Variants in FMN1 observed in about 807,000 individuals in gnomAD.
FMN1 encodes the protein formin 1.
In FMN1, 110 loss-of-function variants were observed where a neutral mutation model predicts 132.4. The ratio of observed to expected loss-of-function variants is 0.83; its 90% CI spans 0.71 to 0.97. The LOEUF (loss-of-function observed/expected upper bound fraction) is 0.97, where lower values mean the gene tolerates loss of function less well. Among genes scored for constraint, FMN1 ranks in the 50% least tolerant of loss-of-function variants. The pLI is 0.00. For missense variants in FMN1, 1,792 were observed against 1,705.3 expected, an observed-to-expected ratio of 1.05 and a Z score of -0.90; for synonymous variants, 722 against 651.7, an observed-to-expected ratio of 1.11 and a Z score of -1.64.
In FMN1 at chr15:33,167,864, G is replaced by C. The variant is rs1251829361; in HGVS notation, c.-132+12334C>G. ...TTTATCCTTATTGTCTTCACATTCA[G>C]TAGGCTGAGGAGGAGAAGGAAGAGG... On this transcript the variant is annotated intron_variant, in intron 3 of 20. Coordinates refer to ENST00000616417, the MANE Select transcript of FMN1 (RefSeq NM_001277313.2). Among the ~76,000 whole-genome samples, 4 of 152,212 alleles carry C rather than the reference G, an allele frequency of 2.6e-5. No individual in the cohort carries two copies. In the East Asian group the frequency reaches 7.7e-4, roughly 29 times the overall value.
intron 4 of FMN1, among the ~76,000 whole-genome samples, chr15:33,110,818 G>C (rs892584627): frequency 6.6e-6 from 1 of 151,872 alleles, no homozygotes; most frequent in African/African-American, 2.4e-5. Flanking sequence ...AGAACAACTT[G>C]TCAGTATTTT....
chr15:32,952,618 C>T (rs1257443171), intron 9 of FMN1, among the ~76,000 whole-genome samples: 1 of 152,078 alleles, frequency 6.6e-6, no homozygotes, highest in South Asian at 2.1e-4. Context: ...CAACAGAGTC[C>T]ACAAGAGAGT....
intron 10 of FMN1, among the ~76,000 whole-genome samples, chr15:32,923,134 G>A (rs902607563): frequency 3.9e-5 from 6 of 152,156 alleles, no homozygotes; most frequent in African/African-American, 1.2e-4. Context: ...ACGACCACAG[G>A]GCTGAAGAAC....
At chr15:32,899,821 G>C in intron 14 of FMN1, 158 bp downstream of exon 14, 1 of 731,132 alleles carries the variant, frequency 1.4e-6, no homozygotes, top group Non-Finnish European at 2.2e-6. Flanking sequence ...TTATTCGAAA[G>C]TGAAAAGAAA....
chr15:32,848,337 C>T lies in FMN1; in HGVS notation c.3928+8678G>A, dbSNP rs188651343. Among the ~76,000 whole-genome samples the T allele has an allele frequency of 3.5e-5, 4 of 112,794 alleles. No homozygotes were observed. In the East Asian group the frequency reaches 6.8e-4, roughly 19 times the overall value. 74.0% of individuals were successfully genotyped at this position (112,794 alleles called of 152,430 possible). On this transcript the variant is annotated intron_variant, in intron 17 of 20. Coordinates refer to ENST00000616417, the MANE Select transcript of FMN1 (RefSeq NM_001277313.2). ...GTTCCAGCAGGTTCATGTGTGTGCA[C>T]GTGTGTGTGCGTGCACACGTGTGTG...
At chr15:32,844,088 A>C (rs2141227526) in intron 17 of FMN1, among the ~76,000 whole-genome samples, 1 of 152,358 alleles carries the variant, frequency 6.6e-6, no homozygotes, top group East Asian at 1.9e-4. Context: ...CACATTCTCT[A>C]GCCTCAGCTC....
Position 33,024,223 on chromosome 15 carries a change from A to ATTTTTT in FMN1, c.2162-16154_2162-16149dup, listed in dbSNP as rs555760509. ...GGGAATACTATTTCACACCTATCAG[A>ATTTTTT]TTTTTTTTTTTTTTTTTTTTTTTTT... On this transcript the variant is annotated intron_variant, in intron 6 of 20. Transcript: ENST00000616417. 2.7e-3 allele frequency among the ~76,000 whole-genome samples: 235 copies of ATTTTTT among 88,010 alleles called. 38 individuals carry two copies. Among genetic ancestry groups the ATTTTTT allele is most frequent in the Middle Eastern group, 0.013 (2 of 160 alleles). The allele number at this position is 88,010 out of a possible 152,430, so 57.7% of individuals were successfully genotyped here. A position where few individuals can be genotyped will look rare whatever the true frequency, so the allele number is the denominator to read the frequency against.
intron 6 of FMN1, chr15:33,064,280 T>C (rs2037616126): frequency 6.6e-6 from 1 of 152,228 alleles, no homozygotes; most frequent in African/African-American, 2.4e-5. Flanking sequence ...TTCATGGATA[T>C]ATACACACAC....
At chr15:33,076,110 G>A (rs2038197802) in intron 5 of FMN1, among the ~76,000 whole-genome samples, 2 of 152,170 alleles carry the variant, frequency 1.3e-5, no homozygotes, top group South Asian at 2.1e-4. Context: ...AAGCTGGGGG[G>A]CAGGGGGATG....
chr15:33,010,050 A>G (rs985417504), intron 6 of FMN1, among the ~76,000 whole-genome samples: 1 of 152,030 alleles, frequency 6.6e-6, no homozygotes, highest in Non-Finnish European at 1.5e-5. Context: ...TGCCCAGCTA[A>G]TTTTTGTATT....
At chr15:32,889,042 C>G (rs1159345399) in intron 15 of FMN1, among the ~76,000 whole-genome samples, 1 of 151,896 alleles carries the variant, frequency 6.6e-6, no homozygotes, top group South Asian at 2.1e-4. Context: ...TTTGTAGAGA[C>G]GGGGGTCTCA....
At chr15:32,913,322 GT>G (rs1269964098) in intron 10 of FMN1, among the ~76,000 whole-genome samples, 1 of 152,010 alleles carries the variant, frequency 6.6e-6, no homozygotes, top group Non-Finnish European at 1.5e-5. Context: ...TTGTACCAAG[GT>G]TACTTTTTAA....
intron 17 of FMN1, among the ~76,000 whole-genome samples, chr15:32,838,260 T>C (rs2058670763): frequency 6.6e-6 from 1 of 150,418 alleles, no homozygotes; most frequent in Admixed American, 6.6e-5. Context: ...AGAGAAAAAA[T>C]TAAAAGCGGA....
chr15:33,138,496 C>T (rs1963869190), intron 4 of FMN1, among the ~76,000 whole-genome samples: 1 of 152,160 alleles, frequency 6.6e-6, no homozygotes, highest in Non-Finnish European at 1.5e-5. Context: ...CAGCGAGATA[C>T]TGCCACCTTC....
chr15:33,018,802 C>T (rs2035235221), intron 6 of FMN1, among the ~76,000 whole-genome samples: 1 of 152,048 alleles, frequency 6.6e-6, no homozygotes, highest in Admixed American at 6.5e-5. Flanking sequence ...CTGGTGGTCT[C>T]GCTGGCTTCA....
intron 5 of FMN1, 23 bp from the exon 6 acceptor site, chr15:33,065,097 G>C (rs2037662054): frequency 6.5e-7 from 1 of 1,532,490 alleles, no homozygotes; most frequent in Non-Finnish European, 9.0e-7. Flanking sequence ...CAGGCAAATA[G>C]TAAGTGGAAT....
chr15:32,932,167 G>C (rs1456460894), intron 9 of FMN1, among the ~76,000 whole-genome samples: 1 of 152,176 alleles, frequency 6.6e-6, no homozygotes. Flanking sequence ...GGGAGGCCGA[G>C]GTAGGCGGAT....
intron 16 of FMN1, among the ~76,000 whole-genome samples, chr15:32,869,537 A>T (rs528329411): frequency 4.5e-4 from 69 of 152,342 alleles, no homozygotes; most frequent in African/African-American, 1.4e-3. Context: ...AAAAGTCTGC[A>T]GTCTGGGACT....
At chr15:32,789,166 A>G (rs577246748) in intron 19 of FMN1, among the ~76,000 whole-genome samples, 3 of 152,352 alleles carry the variant, frequency 2.0e-5, no homozygotes, top group African/African-American at 4.8e-5. Context: ...CAGAGAAAAC[A>G]AAGTGGTACA....
Sources: allele counts gnomAD v4.1 joint callset (sites outside exome capture counted in the v4.1 genomes callset), GRCh38; gene constraint gnomAD v4.1.1; transcripts MANE v1.5; gene names NCBI Gene and HGNC (gene_info 2026-07-23, HGNC 2026-07-21).